The following CHRM3 variants were observed in gnomAD, a reference collection of about 807,000 sequenced individuals.
CHRM3 encodes the protein cholinergic receptor muscarinic 3.
CHRM3 carries 11 observed loss-of-function variants against 41.8 expected under a neutral mutation model. That is an observed-to-expected ratio of 0.26 (90% CI 0.17 to 0.44). CHRM3 has a LOEUF of 0.44. Ranked by LOEUF, CHRM3 falls within the 20% of genes least tolerant of loss-of-function variation. The pLI, the probability that CHRM3 is intolerant of heterozygous loss-of-function variation, is 1.00. For missense variants in CHRM3, 571 were observed against 745.4 expected (o/e 0.77, Z 2.72); for synonymous variants, 297 against 301.4 (o/e 0.99, Z 0.15).
chr1:239,730,973 T>G (rs1303643574), intron 5 of CHRM3, among the ~76,000 whole-genome samples: 3 of 151,850 alleles, frequency 2.0e-5, no homozygotes, highest in Non-Finnish European at 4.4e-5. Context: ...AGGTTGAATT[T>G]ATAGGACTTG....
intron 5 of CHRM3, among the ~76,000 whole-genome samples, chr1:239,802,788 G>C (rs1670320314): frequency 6.6e-6 from 1 of 152,044 alleles, no homozygotes; most frequent in Admixed American, 6.6e-5. Flanking sequence ...TGTAGAGATG[G>C]GGTTTCACCA....
chr1:239,420,703 G>A (rs1159318465), intron 1 of CHRM3, among the ~76,000 whole-genome samples: 1 of 151,972 alleles, frequency 6.6e-6, no homozygotes, highest in Non-Finnish European at 1.5e-5. Flanking sequence ...AAATCCTTTG[G>A]GAGAACTATG....
At chr1:239,886,673 A>T (rs1678098226) in intron 6 of CHRM3, 1 of 152,178 alleles carries the variant, frequency 6.6e-6, no homozygotes. Context: ...TTTCATTAAC[A>T]TTCATTTCCA....
chr1:239,601,985 T>A (rs1665600144), intron 3 of CHRM3, among the ~76,000 whole-genome samples: 1 of 151,484 alleles, frequency 6.6e-6, no homozygotes, highest in African/African-American at 2.4e-5. Context: ...TTAATCATAT[T>A]TTTACTAAGA....
chr1:239,612,891 C>G (rs901751569), intron 3 of CHRM3, among the ~76,000 whole-genome samples: 4 of 152,094 alleles, frequency 2.6e-5, no homozygotes, highest in Non-Finnish European at 5.9e-5. Context: ...TGAGGAAGCT[C>G]CTTAAATTTT....
chr1:239,642,654 G>A (rs1413126612), intron 4 of CHRM3, among the ~76,000 whole-genome samples: 1 of 152,044 alleles, frequency 6.6e-6, no homozygotes, highest in African/African-American at 2.4e-5. Flanking sequence ...GGTTATTCTA[G>A]TTATACATTC....
chr1:239,848,303 A>C (rs1365378369), intron 6 of CHRM3, among the ~76,000 whole-genome samples: 4 of 152,122 alleles, frequency 2.6e-5, no homozygotes, highest in Non-Finnish European at 5.9e-5. Context: ...AAATGTGTTG[A>C]CCTCAAAATT....
At chr1:239,638,906 T>G (rs1270997893) in intron 4 of CHRM3, among the ~76,000 whole-genome samples, 2 of 152,184 alleles carry the variant, frequency 1.3e-5, no homozygotes, top group Admixed American at 6.5e-5. Context: ...GGTCTAACAT[T>G]TAAGTCTTTA....
At chr1:239,570,868 C>T (rs1661764309) in intron 3 of CHRM3, among the ~76,000 whole-genome samples, 1 of 152,048 alleles carries the variant, frequency 6.6e-6, no homozygotes, top group Non-Finnish European at 1.5e-5. Flanking sequence ...TTTCCATTCC[C>T]CTCCCATCTA....
chr1:239,539,992 G>A (rs796583788), intron 2 of CHRM3, among the ~76,000 whole-genome samples: 8 of 152,148 alleles, frequency 5.3e-5, no homozygotes, highest in African/African-American at 1.7e-4. Context: ...TGTTACAGCC[G>A]CCCACAGTAT....
At chr1:239,650,220 T>C (rs899172816) in intron 4 of CHRM3, among the ~76,000 whole-genome samples, 4 of 152,216 alleles carry the variant, frequency 2.6e-5, no homozygotes, top group Non-Finnish European at 5.9e-5. Flanking sequence ...TGGAGATGAT[T>C]AAATGATTCT....
intron 2 of CHRM3, among the ~76,000 whole-genome samples, chr1:239,518,902 A>G (rs1572575355): frequency 6.6e-6 from 1 of 152,332 alleles, no homozygotes; most frequent in Admixed American, 6.5e-5. Flanking sequence ...GTACAAATTT[A>G]CCTTCGAAAA....
intron 6 of CHRM3, among the ~76,000 whole-genome samples, chr1:239,887,629 C>G (rs568259377): frequency 6.6e-6 from 1 of 152,154 alleles, no homozygotes; most frequent in Admixed American, 6.5e-5. Flanking sequence ...GAACTTCCAG[C>G]ATTTTATTCG....
intron 5 of CHRM3, among the ~76,000 whole-genome samples, chr1:239,758,377 A>T (rs1289805398): frequency 1.3e-5 from 2 of 152,150 alleles, no homozygotes; most frequent in Non-Finnish European, 2.9e-5. Flanking sequence ...AAGTTGAATG[A>T]GTCAGTGAAT....
At chr1:239,875,861 C>T (rs528009914) in intron 6 of CHRM3, among the ~76,000 whole-genome samples, 9 of 152,314 alleles carry the variant, frequency 5.9e-5, no homozygotes, top group Non-Finnish European at 1.2e-4. Context: ...AATTAAAAGG[C>T]AGCAATTTAC....
chr1:239,762,205 G>A (rs570675010), intron 5 of CHRM3, among the ~76,000 whole-genome samples: 2 of 152,228 alleles, frequency 1.3e-5, no homozygotes, highest in East Asian at 1.9e-4. Context: ...TTTAATACTA[G>A]TTCAATAATC....
intron 3 of CHRM3, among the ~76,000 whole-genome samples, chr1:239,619,405 G>A (rs963299411): frequency 2.6e-5 from 4 of 152,112 alleles, no homozygotes; most frequent in Admixed American, 2.0e-4. Context: ...AAACGAAACC[G>A]ATTCTCCAAA....
chr1:239,650,560 G>A (rs1406350541), intron 4 of CHRM3, among the ~76,000 whole-genome samples: 1 of 152,192 alleles, frequency 6.6e-6, no homozygotes, highest in African/African-American at 2.4e-5. Context: ...AGTGATGTGT[G>A]ATTTGGAGAC....
At chr1:239,510,764 G>A (rs1337376432) in intron 2 of CHRM3, among the ~76,000 whole-genome samples, 3 of 151,840 alleles carry the variant, frequency 2.0e-5, no homozygotes, top group South Asian at 2.1e-4. Flanking sequence ...TTGAACTCCC[G>A]ACCTCAGCTG....
Sources: gnomAD v4.1 joint callset for allele counts (sites outside exome capture counted in the v4.1 genomes callset) on GRCh38, gnomAD v4.1.1 for gene constraint, MANE v1.5 for transcripts, NCBI Gene and HGNC (gene_info 2026-07-23, HGNC 2026-07-21) for gene names.